PPP6R3: variants seen among roughly 807,000 people sequenced by gnomAD.
PPP6R3 encodes the protein protein phosphatase 6 regulatory subunit 3.
PPP6R3 carries 38 observed loss-of-function variants against 110.7 expected under a neutral mutation model. That is an observed-to-expected ratio of 0.34 (90% CI 0.26 to 0.45). The LOEUF (loss-of-function observed/expected upper bound fraction) is 0.45, where lower values mean the gene tolerates loss of function less well. Among genes scored for constraint, PPP6R3 ranks in the 20% least tolerant of loss-of-function variants. The pLI is 1.00. For missense variants in PPP6R3, 870 were observed against 1,062.4 expected, an observed-to-expected ratio of 0.82 and a Z score of 2.52; for synonymous variants, 369 against 373.5, an observed-to-expected ratio of 0.99 and a Z score of 0.14.
chr11:68,516,647 C>T (rs964151020), intron 1 of PPP6R3, among the ~76,000 whole-genome samples: 1 of 152,178 alleles, frequency 6.6e-6, no homozygotes, highest in African/African-American at 2.4e-5. Flanking sequence ...GTAATGCTGC[C>T]ATGAACACAG....
rs568240137 is a variant in PPP6R3, at chr11:68,566,856, G to A, written c.976-158G>A. The A allele has an allele frequency of 1.1e-4, 56 of 489,208 alleles. 1 individual carries two copies. The South Asian group carries it at 1.5e-3, about 13-fold the overall frequency. 30.3% of individuals were successfully genotyped at this position (489,208 alleles called of 1,614,324 possible). ...CTTTTTCCTGCTTGGTTATTTCATT[G>A]TATCTTAAAGATATCAAGAGCAGCT... On this transcript the variant is annotated intron_variant, in intron 9 of 23. Transcript: ENST00000393800.
intron 1 of PPP6R3, among the ~76,000 whole-genome samples, chr11:68,511,431 TG>T (rs559078078): frequency 7.0e-4 from 105 of 151,064 alleles, no homozygotes; most frequent in African/African-American, 2.4e-3. Flanking sequence ...AAACAACTTT[TG>T]GTTTCCTCTG....
chr11:68,614,747 G>A lies in PPP6R3; in HGVS notation c.*1630G>A, dbSNP rs142423866. The A allele has an allele frequency of 5.0e-4, 771 of 1,537,088 alleles. 5 individuals carry two copies. In the African/African-American group the frequency reaches 9.4e-3, roughly 19 times the overall value. Reference sequence around the variant, plus strand: ...CCTCCTCAGGAACCCCCTTTCCCGGGTGAGCCCCTCTCTGAAGAGACTGTC... The same window carrying A: ...CCTCCTCAGGAACCCCCTTTCCCGGATGAGCCCCTCTCTGAAGAGACTGTC... On this transcript the variant is annotated 3_prime_UTR_variant, in exon 24 of 24. Coordinates refer to ENST00000393800, the MANE Select transcript of PPP6R3 (RefSeq NM_001164161.2).
At chr11:68,501,852 G>A (rs1407594323) in intron 1 of PPP6R3, among the ~76,000 whole-genome samples, 1 of 152,182 alleles carries the variant, frequency 6.6e-6, no homozygotes, top group Non-Finnish European at 1.5e-5. Context: ...CGCTTCCTGT[G>A]CTTTGGTCAT....
chr11:68,591,654 A>G lies in PPP6R3; in HGVS notation c.1864A>G (p.Ile622Val), dbSNP rs1231280367. Residue 622 changes from isoleucine (I) to valine (V), a missense_variant, in exon 18 of 24, where the codon ATA becomes GTA. By Grantham distance (29) the Ile-to-Val change is conservative. Coordinates refer to ENST00000393800, the MANE Select transcript of PPP6R3 (RefSeq NM_001164161.2). ...FDDGGSDEED[I>V]WEEKHIAFTP... ...TGATGGTGGCTCTGATGAGGAAGAT[A>G]TATGGGAGGAAAAGCACATCGCATT... The G allele has an allele frequency of 1.2e-6, 2 of 1,613,638 alleles. No homozygotes were observed. The highest frequency in any genetic ancestry group is 1.1e-5 in the South Asian group (1 of 90,946).
intron 1 of PPP6R3, among the ~76,000 whole-genome samples, chr11:68,511,463 A>AGTGT (rs111457206): frequency 0.011 from 1,588 of 138,576 alleles, 24 homozygotes; most frequent in African/African-American, 0.034. Flanking sequence ...ACTGTGTTAG[A>AGTGT]GTGTGTGTGT....
chr11:68,569,320 T>C (rs187620174), intron 10 of PPP6R3, among the ~76,000 whole-genome samples: 1 of 152,208 alleles, frequency 6.6e-6, no homozygotes, highest in Non-Finnish European at 1.5e-5. Context: ...CCAAGACTCC[T>C]TTGGATGCCT....
intron 2 of PPP6R3, among the ~76,000 whole-genome samples, chr11:68,535,066 T>A (rs2099262672): frequency 2.0e-5 from 3 of 152,242 alleles, no homozygotes. Context: ...TTTCTAAGAT[T>A]TATATCCACT....
intron 15 of PPP6R3, chr11:68,587,263 T>A (rs1484942277): frequency 6.7e-6 from 1 of 150,312 alleles, no homozygotes; most frequent in Non-Finnish European, 1.5e-5. Context: ...CTGGCTCCTC[T>A]GTGGGTCTTC....
At chr11:68,547,256 C>T (rs894682121) in intron 4 of PPP6R3, among the ~76,000 whole-genome samples, 5 of 152,082 alleles carry the variant, frequency 3.3e-5, no homozygotes, top group Non-Finnish European at 7.4e-5. Context: ...CAACCCCCCA[C>T]GCCCCAGAGC....
intron 1 of PPP6R3, among the ~76,000 whole-genome samples, chr11:68,489,669 C>A (rs998295725): frequency 6.7e-6 from 1 of 149,882 alleles, no homozygotes; most frequent in African/African-American, 2.5e-5. Flanking sequence ...ACTTCATTAG[C>A]ATTTTTTTAT....
intron 1 of PPP6R3, among the ~76,000 whole-genome samples, chr11:68,474,218 C>T (rs1591607816): frequency 6.6e-6 from 1 of 152,098 alleles, no homozygotes; most frequent in Middle Eastern, 3.4e-3. Context: ...CTAATTTTTA[C>T]AATTTTTGTA....
intron 13 of PPP6R3, 87 bp downstream of exon 13, chr11:68,574,311 A>C: frequency 9.8e-7 from 1 of 1,021,664 alleles, no homozygotes; most frequent in Non-Finnish European, 1.5e-6. Context: ...TAGCATTTTT[A>C]ATAGTGATTT....
At chr11:68,529,263 G>A (rs2099222075) in intron 2 of PPP6R3, among the ~76,000 whole-genome samples, 1 of 152,164 alleles carries the variant, frequency 6.6e-6, no homozygotes, top group Non-Finnish European at 1.5e-5. Context: ...CTGTCTCCCA[G>A]GCTGGAGTGC....
At chr11:68,550,278 CAG>C (rs1565778735) in intron 5 of PPP6R3, among the ~76,000 whole-genome samples, 2 of 152,220 alleles carry the variant, frequency 1.3e-5, no homozygotes, top group African/African-American at 4.8e-5. Flanking sequence ...GTTGAGCAGC[CAG>C]AGAGTGTCAG....
intron 12 of PPP6R3, 79 bp from the exon 13 acceptor site, chr11:68,574,030 A>T (rs1425778617): frequency 1.7e-5 from 17 of 1,008,578 alleles, no homozygotes; most frequent in Non-Finnish European, 2.6e-5. Context: ...TGATTGTTTA[A>T]AAGTCCGCAG....
chr11:68,482,814 A>G (rs996054360), intron 1 of PPP6R3, among the ~76,000 whole-genome samples: 6 of 151,340 alleles, frequency 4.0e-5, no homozygotes, highest in African/African-American at 1.5e-4. Flanking sequence ...TTTTTTCTGT[A>G]TATTTGCATA....
At chr11:68,523,818 GTTTT>G (rs2099179679) in intron 2 of PPP6R3, among the ~76,000 whole-genome samples, 1 of 145,480 alleles carries the variant, frequency 6.9e-6, no homozygotes, top group Non-Finnish European at 1.5e-5. Flanking sequence ...AATCGTTTAA[GTTTT>G]TTGTCTTTTC....
chr11:68,557,165 C>T (rs139302398), intron 7 of PPP6R3, among the ~76,000 whole-genome samples: 1 of 152,332 alleles, frequency 6.6e-6, no homozygotes, highest in East Asian at 1.9e-4. Context: ...GAGCTTGGTT[C>T]CAGACCTAAT....
Sources: gnomAD v4.1 joint callset for allele counts (sites outside exome capture counted in the v4.1 genomes callset) on GRCh38, gnomAD v4.1.1 for gene constraint, MANE v1.5 for transcripts, NCBI Gene and HGNC (gene_info 2026-07-23, HGNC 2026-07-21) for gene names.